The following HACD3 variants were observed in gnomAD, a reference collection of about 807,000 sequenced individuals.
HACD3 encodes very-long-chain (3R)-3-hydroxyacyl-CoA dehydratase 3.
Under a neutral mutation model 55.2 loss-of-function variants are expected in HACD3, and 30 were observed. The ratio of observed to expected loss-of-function variants is 0.54; its 90% CI spans 0.41 to 0.74. The LOEUF (loss-of-function observed/expected upper bound fraction) is 0.74. Among genes scored for constraint, HACD3 ranks in the 30% least tolerant of loss-of-function variants. The pLI is 0.00. For missense variants in HACD3, 363 were observed against 440.1 expected (o/e 0.82, Z 1.57); for synonymous variants, 141 against 151.7 (o/e 0.93, Z 0.52).
At chr15:65,536,330 G>A (rs2071954803) in intron 1 of HACD3, among the ~76,000 whole-genome samples, 1 of 152,004 alleles carries the variant, frequency 6.6e-6, no homozygotes, top group Non-Finnish European at 1.5e-5. Flanking sequence ...AAAATGAAAT[G>A]CACCTATATA....
intron 6 of HACD3, 113 bp downstream of exon 6, chr15:65,562,997 G>A: frequency 6.8e-7 from 1 of 1,464,814 alleles, no homozygotes; most frequent in Non-Finnish European, 9.2e-7. Flanking sequence ...CATTTGTGCA[G>A]CACCCTCTAC....
chr15:65,558,529 C>T, intron 4 of HACD3, 151 bp from the exon 5 acceptor site: 1 of 699,414 alleles, frequency 1.4e-6, no homozygotes, highest in Middle Eastern at 2.4e-4. Flanking sequence ...GCGTTTGGCC[C>T]TATGACCTAG....
At position 65,576,967 on chromosome 15, in the gene HACD3, C is replaced by T. The variant is rs1347460327; in HGVS notation, c.*588C>T. The stretch of plus-strand genomic sequence containing the variant: ...CTGACATCCTTTGGCCTAACAACAT[C>T]TATTATTATAGTGCTCAGCAGTGTG... On this transcript the variant is annotated 3_prime_UTR_variant, in exon 11 of 11. Transcript: ENST00000261875. 1.3e-5 allele frequency: 2 copies of T among 152,542 alleles called. No individual in the cohort carries two copies. The highest frequency in any genetic ancestry group is 4.8e-5 in the African/African-American group (2 of 41,438). The allele number at this position is 152,542 out of a possible 1,614,324, so 9.4% of individuals were successfully genotyped here.
intron 1 of HACD3, among the ~76,000 whole-genome samples, chr15:65,536,972 C>G (rs937590919): frequency 6.6e-5 from 10 of 152,160 alleles, no homozygotes; most frequent in Admixed American, 4.6e-4. Flanking sequence ...TTCCAGTGAA[C>G]ACCCAAATGA....
chr15:65,544,475 T>G (rs971455112), intron 1 of HACD3, among the ~76,000 whole-genome samples: 7 of 152,218 alleles, frequency 4.6e-5, no homozygotes, highest in African/African-American at 1.7e-4. Flanking sequence ...GATTTTATAC[T>G]ATAGTTTTGT....
In HACD3 at chr15:65,545,585, A is replaced by G. The variant is rs352454; in HGVS notation, c.88-6091A>G. On this transcript the variant is annotated intron_variant, in intron 1 of 10. Transcript: ENST00000261875. ...CAGCCTCCTGAGTAGCTGGGACTAC[A>G]GGCGCCTGCCACCAGGCCCGGCTAA... 8.1e-3 allele frequency among the ~76,000 whole-genome samples: 1,228 copies of G among 151,138 alleles called. 11 individuals carry two copies. The highest frequency in any genetic ancestry group is 0.028 in the African/African-American group (1,138 of 41,052).
At position 65,537,054 on chromosome 15, in the gene HACD3, A is replaced by G. The variant is rs149436942; in HGVS notation, c.87+6336A>G. On this transcript the variant is annotated intron_variant, in intron 1 of 10. Coordinates refer to ENST00000261875, the MANE Select transcript of HACD3 (RefSeq NM_016395.4). ...GGTCTGGATAGAATATAAATCAGCC[A>G]CGACATTCTCTTAAGCCAAAGCCTA... Among the ~76,000 whole-genome samples, 1,162 of 152,356 alleles carry G rather than the reference A, an allele frequency of 7.6e-3. 15 individuals carry two copies. Among genetic ancestry groups the G allele is most frequent in the South Asian group, 0.046 (222 of 4,830 alleles).
chr15:65,554,493 G>A (rs181888377), intron 2 of HACD3, among the ~76,000 whole-genome samples: 29 of 152,208 alleles, frequency 1.9e-4, no homozygotes, highest in East Asian at 1.5e-3. Flanking sequence ...TATGATATTC[G>A]TGCCAGGTAC....
At chr15:65,574,148 G>C (rs2072378365) in intron 10 of HACD3, 1 of 152,162 alleles carries the variant, frequency 6.6e-6, no homozygotes. Context: ...ATCTCACATA[G>C]TTCCTGAAGG....
At chr15:65,565,872 A>G (rs1290550432) in intron 7 of HACD3, 1 of 152,156 alleles carries the variant, frequency 6.6e-6, no homozygotes, top group Non-Finnish European at 1.5e-5. Flanking sequence ...CCAAACTTTT[A>G]TGCTGTTTCT....
chr15:65,549,774 A>C lies in HACD3; in HGVS notation c.88-1902A>C, dbSNP rs532254170. ...CTCCAGTTGCCTTAACACTTAGCTA[A>C]GTATTAATAGAAGAAAAGGTCCTTG... On this transcript the variant is annotated intron_variant, in intron 1 of 10. Transcript: ENST00000261875. 2.1e-3 allele frequency among the ~76,000 whole-genome samples: 314 copies of C among 152,268 alleles called. 1 individual carries two copies. The highest frequency in any genetic ancestry group is 1.9e-3 in the Non-Finnish European group (132 of 68,022).
chr15:65,547,307 G>A (rs1307034169), intron 1 of HACD3, among the ~76,000 whole-genome samples: 1 of 152,126 alleles, frequency 6.6e-6, no homozygotes, highest in Admixed American at 6.6e-5. Flanking sequence ...AGTAGAGACA[G>A]GGTTTCACCA....
At chr15:65,562,660 C>T (rs2072254856) in intron 5 of HACD3, 114 bp from the exon 6 acceptor site, 1 of 1,406,190 alleles carries the variant, frequency 7.1e-7, no homozygotes, top group Admixed American at 2.3e-5. Context: ...TGTGTGGGAG[C>T]TTAGGAGCAT....
chr15:65,530,839 C>T, intron 1 of HACD3, 121 bp downstream of exon 1: 1 of 942,880 alleles, frequency 1.1e-6, no homozygotes, highest in Non-Finnish European at 1.5e-6. Context: ...ACAAGGTCGG[C>T]GACGCGGTGC....
At chr15:65,546,783 A>G (rs2141210195) in intron 1 of HACD3, among the ~76,000 whole-genome samples, 1 of 152,204 alleles carries the variant, frequency 6.6e-6, no homozygotes, top group Non-Finnish European at 1.5e-5. Flanking sequence ...TTTCAAAATA[A>G]AACATTGGGG....
chr15:65,531,008 A>G (rs1039881981), intron 1 of HACD3, among the ~76,000 whole-genome samples: 10 of 152,164 alleles, frequency 6.6e-5, no homozygotes, highest in Non-Finnish European at 1.3e-4. Context: ...GGCGGCCTTC[A>G]TGGAGCCCAG....
intron 1 of HACD3, among the ~76,000 whole-genome samples, chr15:65,541,480 A>C (rs2072018446): frequency 6.6e-6 from 1 of 152,006 alleles, no homozygotes; most frequent in Non-Finnish European, 1.5e-5. Context: ...GTAGGGAAAC[A>C]TGTGGTATCT....
chr15:65,530,753 G>T, intron 1 of HACD3, 35 bp downstream of exon 1: 1 of 1,520,654 alleles, frequency 6.6e-7, no homozygotes, highest in South Asian at 1.2e-5. Flanking sequence ...AAGCGCGCGG[G>T]ATCGCGGCTC....
intron 4 of HACD3, 110 bp from the exon 5 acceptor site, chr15:65,558,570 C>G: frequency 2.0e-6 from 2 of 996,922 alleles, no homozygotes; most frequent in South Asian, 2.8e-5. Flanking sequence ...CTGACCCCAA[C>G]TGGAGGAGTT....
Sources: allele counts gnomAD v4.1 joint callset (sites outside exome capture counted in the v4.1 genomes callset), GRCh38; gene constraint gnomAD v4.1.1; transcripts MANE v1.5; gene names NCBI Gene and HGNC (gene_info 2026-07-23, HGNC 2026-07-21).